Variants in SEMA5A observed in about 807,000 individuals in gnomAD.
SEMA5A encodes the protein semaphorin 5A, also known as semaphorin-5A.
A neutral mutation model predicts 135.5 loss-of-function variants in SEMA5A; 55 were observed. The observed-to-expected ratio is 0.41, with a 90% CI of 0.33 to 0.51. SEMA5A has a LOEUF of 0.51. Ranked by LOEUF, SEMA5A falls within the 20% of genes least tolerant of loss-of-function variation. SEMA5A has a pLI of 0.37. For synonymous variants in SEMA5A, 580 were observed against 546.5 expected (o/e 1.06, Z -0.85); for missense variants, 1,290 against 1,419.9 (o/e 0.91, Z 1.47).
intron 9 of SEMA5A, 136 bp downstream of exon 9, chr5:9,201,819 C>CT: frequency 6.1e-6 from 5 of 816,330 alleles, no homozygotes; most frequent in South Asian, 3.9e-5. Flanking sequence ...GAAAAGTCCT[C>CT]TTTTTTTGTC....
chr5:9,326,038 A>G (rs1327150305), intron 4 of SEMA5A, among the ~76,000 whole-genome samples: 1 of 152,186 alleles, frequency 6.6e-6, no homozygotes, highest in Non-Finnish European at 1.5e-5. Flanking sequence ...CAATCCAAAG[A>G]CAAAACAGAC....
intron 2 of SEMA5A, among the ~76,000 whole-genome samples, chr5:9,402,202 G>C (rs1756687603): frequency 6.6e-6 from 1 of 152,174 alleles, no homozygotes; most frequent in African/African-American, 2.4e-5. Context: ...AGTAAGTTCT[G>C]CTATAAACAC....
At chr5:9,531,265 T>C (rs1737417334) in intron 1 of SEMA5A, among the ~76,000 whole-genome samples, 1 of 152,150 alleles carries the variant, frequency 6.6e-6, no homozygotes, top group African/African-American at 2.4e-5. Context: ...CTGTAAATAG[T>C]TCTATCTTTT....
intron 8 of SEMA5A, among the ~76,000 whole-genome samples, chr5:9,212,551 G>A (rs894414200): frequency 2.0e-5 from 3 of 152,166 alleles, no homozygotes; most frequent in African/African-American, 7.2e-5. Context: ...GGAAATGGGG[G>A]GCTAAGTGAG....
At chr5:9,292,472 C>T (rs1409378557) in intron 5 of SEMA5A, among the ~76,000 whole-genome samples, 1 of 152,164 alleles carries the variant, frequency 6.6e-6, no homozygotes, top group Non-Finnish European at 1.5e-5. Flanking sequence ...GATCATATAT[C>T]CCCAAACCCT....
At chr5:9,464,662 G>T (rs1327559948) in intron 1 of SEMA5A, among the ~76,000 whole-genome samples, 1 of 152,192 alleles carries the variant, frequency 6.6e-6, no homozygotes, top group Non-Finnish European at 1.5e-5. Flanking sequence ...CCCCAGGCTT[G>T]GATGCCATCT....
chr5:9,051,642 A>G (rs1383684688), intron 20 of SEMA5A, among the ~76,000 whole-genome samples: 1 of 152,204 alleles, frequency 6.6e-6, no homozygotes, highest in East Asian at 1.9e-4. Context: ...ATTATAGTTG[A>G]TAAACTGCAA....
At chr5:9,506,361 G>A (rs993267420) in intron 1 of SEMA5A, among the ~76,000 whole-genome samples, 8 of 152,144 alleles carry the variant, frequency 5.3e-5, no homozygotes, top group Admixed American at 3.9e-4. Context: ...CTAATGTTCA[G>A]GGTGACTCCC....
At chr5:9,332,541 G>A (rs1420879929) in intron 4 of SEMA5A, among the ~76,000 whole-genome samples, 1 of 151,686 alleles carries the variant, frequency 6.6e-6, no homozygotes, top group Non-Finnish European at 1.5e-5. Context: ...CATTGGGTCA[G>A]GTGTGCAAGG....
intron 2 of SEMA5A, among the ~76,000 whole-genome samples, chr5:9,405,983 T>A (rs957646528): frequency 6.6e-6 from 1 of 152,186 alleles, no homozygotes; most frequent in African/African-American, 2.4e-5. Flanking sequence ...GACCTGTCTT[T>A]ACCCAACAGG....
chr5:9,058,138 T>G (rs1736993152), intron 18 of SEMA5A, among the ~76,000 whole-genome samples: 1 of 152,190 alleles, frequency 6.6e-6, no homozygotes, highest in Non-Finnish European at 1.5e-5. Flanking sequence ...CCCTGCTATG[T>G]GAACTATATT....
intron 3 of SEMA5A, among the ~76,000 whole-genome samples, chr5:9,338,073 G>A (rs1357048623): frequency 6.6e-6 from 1 of 152,166 alleles, no homozygotes; most frequent in Non-Finnish European, 1.5e-5. Flanking sequence ...CAAGCCAGAT[G>A]TGCATTTTCC....
At chr5:9,258,467 C>CA (rs1353488396) in intron 5 of SEMA5A, among the ~76,000 whole-genome samples, 6 of 152,162 alleles carry the variant, frequency 3.9e-5, no homozygotes, top group Non-Finnish European at 7.3e-5. Context: ...CTCGCAGGCT[C>CA]AAATGCCAAG....
At chr5:9,221,085 T>A (rs1159838088) in intron 8 of SEMA5A, among the ~76,000 whole-genome samples, 1 of 152,070 alleles carries the variant, frequency 6.6e-6, no homozygotes, top group Non-Finnish European at 1.5e-5. Flanking sequence ...CATTGTAGCC[T>A]CCTTCCGCAA....
At chr5:9,152,302 T>C (rs540062453) in intron 12 of SEMA5A, among the ~76,000 whole-genome samples, 1 of 152,258 alleles carries the variant, frequency 6.6e-6, no homozygotes, top group East Asian at 1.9e-4. Context: ...ATATTCCAGC[T>C]ATGACATCCT....
chr5:9,289,308 T>G (rs1219003494), intron 5 of SEMA5A, among the ~76,000 whole-genome samples: 1 of 152,238 alleles, frequency 6.6e-6, no homozygotes, highest in Non-Finnish European at 1.5e-5. Flanking sequence ...CTTAGTGCAA[T>G]AATTTATGAT....
intron 5 of SEMA5A, among the ~76,000 whole-genome samples, chr5:9,305,747 CACA>C: frequency 7.1e-6 from 1 of 141,022 alleles, no homozygotes; most frequent in East Asian, 2.0e-4. Flanking sequence ...CACACACACA[CACA>C]CACACATATA....
chr5:9,201,789 T>C (rs890909819), intron 9 of SEMA5A, among the ~76,000 whole-genome samples, 166 bp downstream of exon 9: 11 of 152,210 alleles, frequency 7.2e-5, no homozygotes, highest in Non-Finnish European at 8.8e-5. Flanking sequence ...CACATATCTT[T>C]ATCTAACATG....
chr5:9,476,644 C>A (rs1485947182), intron 1 of SEMA5A, among the ~76,000 whole-genome samples: 1 of 152,176 alleles, frequency 6.6e-6, no homozygotes, highest in Non-Finnish European at 1.5e-5. Flanking sequence ...GCATCTCTCA[C>A]CTTACCCACA....
Sources: allele counts gnomAD v4.1 joint callset (sites outside exome capture counted in the v4.1 genomes callset), GRCh38; gene constraint gnomAD v4.1.1; transcripts MANE v1.5; gene names NCBI Gene and HGNC (gene_info 2026-07-23, HGNC 2026-07-21).